Variants in RRAGD observed in about 807,000 individuals in gnomAD.
The protein encoded by RRAGD is ras-related GTP-binding protein D.
RRAGD carries 12 observed loss-of-function variants against 35.5 expected under a neutral mutation model. The ratio of observed to expected loss-of-function variants is 0.34; its 90% CI spans 0.22 to 0.55. RRAGD has a LOEUF of 0.55. Ranked by LOEUF, RRAGD falls within the 20% of genes least tolerant of loss-of-function variation. The pLI, the probability that RRAGD is intolerant of heterozygous loss-of-function variation, is 0.91. For missense variants in RRAGD, 324 were observed against 490.1 expected, an observed-to-expected ratio of 0.66 and a Z score of 3.20; for synonymous variants, 155 against 178.9, an observed-to-expected ratio of 0.87 and a Z score of 1.07.
At chr6:89,399,196 TG>T (rs1336066345) in intron 1 of RRAGD, among the ~76,000 whole-genome samples, 1 of 152,186 alleles carries the variant, frequency 6.6e-6, no homozygotes, top group Non-Finnish European at 1.5e-5. Flanking sequence ...CTCCTCCTCC[TG>T]GGAGGGTGGC....
intron 2 of RRAGD, among the ~76,000 whole-genome samples, chr6:89,382,017 CAAA>C (rs35643719): frequency 1.6e-5 from 2 of 125,350 alleles, no homozygotes; most frequent in South Asian, 2.6e-4. Flanking sequence ...GTTTTTATGG[CAAA>C]AAAAAAAAAA....
intron 4 of RRAGD, among the ~76,000 whole-genome samples, chr6:89,378,258 C>T (rs1187570817): frequency 4.0e-5 from 6 of 151,356 alleles, no homozygotes; most frequent in Non-Finnish European, 8.8e-5. Flanking sequence ...GCCGAGATGG[C>T]GCCATTGCAC....
At chr6:89,395,506 C>T (rs1177046425) in intron 1 of RRAGD, among the ~76,000 whole-genome samples, 1 of 152,162 alleles carries the variant, frequency 6.6e-6, no homozygotes, top group East Asian at 1.9e-4. Context: ...AACTGACATG[C>T]TGTTTTATGT....
At chr6:89,391,629 T>C (rs1354773818) in intron 1 of RRAGD, among the ~76,000 whole-genome samples, 1 of 152,082 alleles carries the variant, frequency 6.6e-6, no homozygotes, top group Non-Finnish European at 1.5e-5. Context: ...GACTGTTAAC[T>C]GGTATGTAGT....
intron 2 of RRAGD, among the ~76,000 whole-genome samples, chr6:89,381,712 T>TAA (rs1769046579): frequency 6.6e-6 from 1 of 152,246 alleles, no homozygotes; most frequent in African/African-American, 2.4e-5. Flanking sequence ...CTGTAGTACA[T>TAA]AACTACAGTG....
Position 89,365,068 on chromosome 6 carries a change from CAG to C in RRAGD, c.*2986_*2987del, listed in dbSNP as rs1326485775. On this transcript the variant is annotated 3_prime_UTR_variant, in exon 7 of 7. Coordinates refer to ENST00000369415, the MANE Select transcript of RRAGD (RefSeq NM_021244.5). ...CTGTTTTTCCAGAGTATATTTCAAA[CAG>C]AGTTGGCATATAACCCGTATGTAAC... 3.3e-5 allele frequency: 5 copies of C among 152,112 alleles called. No individual in the cohort carries two copies. The highest frequency in any genetic ancestry group is 3.2e-3 in the Middle Eastern group (1 of 316). 9.4% of individuals were successfully genotyped at this position (152,112 alleles called of 1,614,324 possible). A position where few individuals can be genotyped will look rare whatever the true frequency, so the allele number is the denominator to read the frequency against.
intron 5 of RRAGD, 32 bp from the exon 6 acceptor site, chr6:89,372,617 C>T (rs376980470): frequency 1.3e-6 from 2 of 1,506,404 alleles, no homozygotes; most frequent in Non-Finnish European, 1.8e-6. Context: ...AACATGTGAC[C>T]ATTGAGAAAG....
Position 89,411,951 on chromosome 6 carries a change from C to A in RRAGD, c.43G>T (p.Asp15Tyr), listed in dbSNP as rs1164936537. 6.5e-7 allele frequency: 1 copy of A among 1,538,450 alleles called. No homozygotes were observed. The highest frequency in any genetic ancestry group is 8.7e-7 in the Non-Finnish European group (1 of 1,146,104). ...LGKPQPQDEDDAEEEEEEDEL... is the reference protein window; with the variant it reads ...LGKPQPQDEDYAEEEEEEDEL... Reference sequence around the variant, plus strand: ...TCCTCCTCCTCCTCCTCCTCCGCGTCGTCCTCGTCCTGCGGCTGCGGCTTC... The same window carrying A: ...TCCTCCTCCTCCTCCTCCTCCGCGTAGTCCTCGTCCTGCGGCTGCGGCTTC... Residue 15 changes from aspartate to tyrosine, a missense_variant, in exon 1 of 7, where the codon GAC (aspartate) becomes TAC (tyrosine). Coordinates refer to ENST00000369415, the MANE Select transcript of RRAGD (RefSeq NM_021244.5). The surrounding 1 kb of genome is among the most constrained non-coding windows in gnomAD (Gnocchi z 5.6).
In RRAGD at chr6:89,411,297, AT is replaced by A. The variant is rs958311785; in HGVS notation, c.148+548del. On this transcript the variant is annotated intron_variant, in intron 1 of 6. Coordinates refer to ENST00000369415, the MANE Select transcript of RRAGD (RefSeq NM_021244.5). This position sits in a 1 kb window ranked among gnomAD's most constrained non-coding sequence, Gnocchi z 5.6. ...AGACTCCCACAACAGCTTGGCGAGCATCCCCCCGCCGCCCCGCGGGTCTCCC... is the reference window on the plus strand; with the variant it reads ...AGACTCCCACAACAGCTTGGCGAGCACCCCCCGCCGCCCCGCGGGTCTCCC... 7 of 152,330 alleles carry A rather than the reference AT, an allele frequency of 4.6e-5. No homozygotes were observed. The highest frequency in any genetic ancestry group is 1.7e-4 in the African/African-American group (7 of 41,442). The allele number at this position is 152,330 out of a possible 1,614,324, so 9.4% of individuals were successfully genotyped here. A position where few individuals can be genotyped will look rare whatever the true frequency, so the allele number is the denominator to read the frequency against.
intron 1 of RRAGD, among the ~76,000 whole-genome samples, chr6:89,391,247 T>A (rs946468288): frequency 6.6e-5 from 10 of 151,886 alleles, no homozygotes; most frequent in African/African-American, 2.4e-4. Context: ...TAGCTGAGTA[T>A]GGCAGCATGC....
At chr6:89,368,687 C>A (rs1768799902) in intron 6 of RRAGD, among the ~76,000 whole-genome samples, 1 of 152,088 alleles carries the variant, frequency 6.6e-6, no homozygotes, top group Non-Finnish European at 1.5e-5. Context: ...TTCTCATAAG[C>A]CCGAGGGAAA....
intron 2 of RRAGD, 111 bp downstream of exon 2, chr6:89,387,183 AC>A (rs1769150972): frequency 9.1e-6 from 10 of 1,102,222 alleles, no homozygotes; most frequent in Non-Finnish European, 1.3e-5. Flanking sequence ...TGACCAAGAA[AC>A]ACTTGTTTGG....
At chr6:89,396,728 A>ATTTTT (rs1160973684) in intron 1 of RRAGD, among the ~76,000 whole-genome samples, 3 of 76,404 alleles carry the variant, frequency 3.9e-5, no homozygotes, top group African/African-American at 1.5e-4. Flanking sequence ...CAATGACCCA[A>ATTTTT]TTTTTTTTTT....
Position 89,407,308 on chromosome 6 carries a change from T to A in RRAGD, c.148+4538A>T, listed in dbSNP as rs573135477. The stretch of plus-strand genomic sequence containing the variant: ...GAACAAAAAATATTTTTTTAAAAAA[T>A]AAAAGGATACCAAAAGAATAAAGGA... On this transcript the variant is annotated intron_variant, in intron 1 of 6. Coordinates refer to ENST00000369415, the MANE Select transcript of RRAGD (RefSeq NM_021244.5). Among the ~76,000 whole-genome samples the A allele has an allele frequency of 2.7e-3, 410 of 151,898 alleles. 4 individuals carry two copies. The highest frequency in any genetic ancestry group is 9.4e-3 in the African/African-American group (389 of 41,424).
chr6:89,388,086 C>A (rs1769166443), intron 1 of RRAGD, among the ~76,000 whole-genome samples: 1 of 152,134 alleles, frequency 6.6e-6, no homozygotes, highest in African/African-American at 2.4e-5. Context: ...GCCACGAAGG[C>A]CTGGAAAATG....
chr6:89,392,065 A>G (rs1273541977), intron 1 of RRAGD, among the ~76,000 whole-genome samples: 1 of 152,150 alleles, frequency 6.6e-6, no homozygotes, highest in Non-Finnish European at 1.5e-5. Flanking sequence ...AGCAAATACT[A>G]TGGTATATAA....
chr6:89,369,568 C>T (rs527415222), intron 6 of RRAGD, among the ~76,000 whole-genome samples: 1 of 152,188 alleles, frequency 6.6e-6, no homozygotes, highest in South Asian at 2.1e-4. Context: ...ATCCTCCCAC[C>T]TCATTTTTGA....
At chr6:89,382,695 G>A (rs1311570847) in intron 2 of RRAGD, among the ~76,000 whole-genome samples, 2 of 151,840 alleles carry the variant, frequency 1.3e-5, no homozygotes, top group African/African-American at 4.8e-5. Flanking sequence ...CCAACATGGT[G>A]AAACCCCGTC....
intron 5 of RRAGD, among the ~76,000 whole-genome samples, chr6:89,377,308 C>T (rs971687963): frequency 1.3e-5 from 2 of 152,060 alleles, no homozygotes; most frequent in Non-Finnish European, 2.9e-5. Context: ...CCTGCCACAT[C>T]GAATAGTTGA....
Sources: allele counts gnomAD v4.1 joint callset (sites outside exome capture counted in the v4.1 genomes callset), GRCh38; gene constraint gnomAD v4.1.1; non-coding constraint Gnocchi (gnomAD v3.1); transcripts MANE v1.5; gene names NCBI Gene and HGNC (gene_info 2026-07-23, HGNC 2026-07-21).